CSMD1: variants seen among roughly 807,000 people sequenced by gnomAD.
CSMD1 encodes CUB and sushi domain-containing protein 1.
Under a neutral mutation model 417.5 loss-of-function variants are expected in CSMD1, and 213 were observed. That is an observed-to-expected ratio of 0.51 (90% CI 0.46 to 0.57). The LOEUF (loss-of-function observed/expected upper bound fraction) is 0.57, where lower values mean the gene tolerates loss of function less well. Ranked by LOEUF, CSMD1 falls within the 20% of genes least tolerant of loss-of-function variation. CSMD1 has a pLI of 0.00. For synonymous variants in CSMD1, 2,862 were observed against 1,736.8 expected, an observed-to-expected ratio of 1.65 and a Z score of -16.11; for missense variants, 6,923 against 4,529.7, an observed-to-expected ratio of 1.53 and a Z score of -15.17.
chr8:3,684,467 G>A (rs1422277579), intron 7 of CSMD1, among the ~76,000 whole-genome samples: 1 of 150,180 alleles, frequency 6.7e-6, no homozygotes, highest in East Asian at 1.9e-4. Context: ...TTAGATATAG[G>A]TTTTGGGATT....
At chr8:4,303,939 G>T (rs1020779053) in intron 3 of CSMD1, among the ~76,000 whole-genome samples, 1 of 152,110 alleles carries the variant, frequency 6.6e-6, no homozygotes, top group Admixed American at 6.6e-5. Context: ...GAAAGGATAA[G>T]CTCCAGCTGC....
At chr8:3,540,630 C>G (rs948852031) in intron 10 of CSMD1, among the ~76,000 whole-genome samples, 1 of 151,986 alleles carries the variant, frequency 6.6e-6, no homozygotes, top group Non-Finnish European at 1.5e-5. Context: ...TGCAATCTAT[C>G]CATCTGACAA....
At chr8:3,560,752 GAGAA>G (rs1799434779) in intron 10 of CSMD1, among the ~76,000 whole-genome samples, 1 of 152,144 alleles carries the variant, frequency 6.6e-6, no homozygotes, top group Admixed American at 6.5e-5. Context: ...AGCCTTTCAG[GAGAA>G]CTTTTTTGGC....
intron 2 of CSMD1, among the ~76,000 whole-genome samples, chr8:4,629,360 G>A (rs1248292921): frequency 2.0e-5 from 3 of 152,112 alleles, no homozygotes; most frequent in East Asian, 1.9e-4. Flanking sequence ...TCAGAATGGC[G>A]AGCTATCATA....
intron 3 of CSMD1, among the ~76,000 whole-genome samples, chr8:4,344,912 T>C: frequency 6.6e-6 from 1 of 152,140 alleles, no homozygotes; most frequent in East Asian, 1.9e-4. Context: ...ACAGGCACTA[T>C]GCAACAGGTT....
At chr8:4,659,614 G>C (rs77871814) in intron 1 of CSMD1, among the ~76,000 whole-genome samples, 1 of 152,056 alleles carries the variant, frequency 6.6e-6, no homozygotes, top group Non-Finnish European at 1.5e-5. Context: ...AAACAGATTG[G>C]TGATTGCCAG....
intron 10 of CSMD1, among the ~76,000 whole-genome samples, chr8:3,550,989 C>T (rs889319819): frequency 3.3e-5 from 5 of 152,182 alleles, no homozygotes; most frequent in African/African-American, 1.2e-4. Flanking sequence ...AGTCAGACCC[C>T]TTTCTCAAAA....
chr8:4,633,723 A>AT (rs965524386), intron 2 of CSMD1, among the ~76,000 whole-genome samples: 14 of 151,634 alleles, frequency 9.2e-5, no homozygotes, highest in Middle Eastern at 3.4e-3. Flanking sequence ...TGTCCAGCTA[A>AT]TTTTTTTTGT....
At chr8:4,175,365 G>A (rs141841221) in intron 3 of CSMD1, among the ~76,000 whole-genome samples, 270 of 152,226 alleles carry the variant, frequency 1.8e-3, no homozygotes, top group African/African-American at 6.3e-3. Context: ...TTTTAACAGT[G>A]TTGGGCTCTA....
chr8:4,489,622 G>C (rs897108230), intron 2 of CSMD1, among the ~76,000 whole-genome samples: 3 of 152,112 alleles, frequency 2.0e-5, no homozygotes, highest in Non-Finnish European at 2.9e-5. Flanking sequence ...CATGGCCTGT[G>C]ACTTGCTTCT....
At chr8:4,838,813 C>G (rs926201061) in intron 1 of CSMD1, among the ~76,000 whole-genome samples, 1 of 152,194 alleles carries the variant, frequency 6.6e-6, no homozygotes, top group Non-Finnish European at 1.5e-5. Context: ...GGCTCCCAAA[C>G]CAAGTGCTTC....
chr8:4,534,262 G>T (rs1796984234), intron 2 of CSMD1, among the ~76,000 whole-genome samples: 1 of 152,174 alleles, frequency 6.6e-6, no homozygotes, highest in Non-Finnish European at 1.5e-5. Context: ...GGATGCTGAA[G>T]GACGCCCAAG....
At chr8:3,146,466 G>C (rs1005182482) in intron 40 of CSMD1, among the ~76,000 whole-genome samples, 14 of 152,000 alleles carry the variant, frequency 9.2e-5, no homozygotes, top group African/African-American at 3.4e-4. Context: ...ATAGCCCTAT[G>C]GGACTGATAT....
chr8:4,381,987 C>A (rs184824897), intron 3 of CSMD1, among the ~76,000 whole-genome samples: 4 of 151,988 alleles, frequency 2.6e-5, no homozygotes, highest in African/African-American at 2.4e-5. Context: ...GTAAAATGAC[C>A]GGACCAAGAT....
At chr8:4,755,271 T>A (rs1811596873) in intron 1 of CSMD1, among the ~76,000 whole-genome samples, 1 of 152,254 alleles carries the variant, frequency 6.6e-6, no homozygotes, top group Non-Finnish European at 1.5e-5. Flanking sequence ...TTTATGACTT[T>A]GCCTTCAACT....
intron 46 of CSMD1, among the ~76,000 whole-genome samples, chr8:3,104,496 A>C (rs1158951727): frequency 6.6e-6 from 1 of 152,154 alleles, no homozygotes; most frequent in Non-Finnish European, 1.5e-5. Flanking sequence ...GGTTTCCTGT[A>C]ATCAATAGTT....
At chr8:4,892,452 G>C (rs1284440630) in intron 1 of CSMD1, among the ~76,000 whole-genome samples, 2 of 152,004 alleles carry the variant, frequency 1.3e-5, no homozygotes, top group Admixed American at 1.3e-4. Flanking sequence ...TAAAAAAATA[G>C]GTTCATGTCT....
At chr8:3,262,110 T>C (rs1191942566) in intron 26 of CSMD1, among the ~76,000 whole-genome samples, 1 of 150,018 alleles carries the variant, frequency 6.7e-6, no homozygotes, top group Non-Finnish European at 1.5e-5. Context: ...GTTATGTATG[T>C]CTGAGTTGCA....
chr8:3,515,835 C>T (rs1001817422), intron 10 of CSMD1, among the ~76,000 whole-genome samples: 11 of 152,168 alleles, frequency 7.2e-5, no homozygotes, highest in East Asian at 1.9e-4. Context: ...ATTATACATA[C>T]GGAAAGAAAA....
Sources: gnomAD v4.1 joint callset for allele counts (sites outside exome capture counted in the v4.1 genomes callset) on GRCh38, gnomAD v4.1.1 for gene constraint, MANE v1.5 for transcripts, NCBI Gene and HGNC (gene_info 2026-07-23, HGNC 2026-07-21) for gene names.